The following ESR1 variants were observed in gnomAD, a reference collection of about 807,000 sequenced individuals.
ESR1 encodes estrogen receptor.
Under a neutral mutation model 52.7 loss-of-function variants are expected in ESR1, and 12 were observed. That is an observed-to-expected ratio of 0.23 (90% CI 0.15 to 0.37). The LOEUF is 0.37. Ranked by LOEUF, ESR1 falls within the 10% of genes least tolerant of loss-of-function variation. The pLI, the probability that ESR1 is intolerant of heterozygous loss-of-function variation, is 1.00. For synonymous variants in ESR1, 305 were observed against 316.8 expected (o/e 0.96, Z 0.39); for missense variants, 584 against 779.7 (o/e 0.75, Z 2.99).
intron 6 of ESR1, among the ~76,000 whole-genome samples, chr6:152,114,886 G>A (rs1383254457): frequency 3.9e-5 from 3 of 77,312 alleles, no homozygotes; most frequent in African/African-American, 5.8e-5. Flanking sequence ...GCTAGACTCC[G>A]TCTCAAAAAA....
chr6:151,819,655 T>G (rs1340620019), intron 1 of ESR1, among the ~76,000 whole-genome samples: 2 of 152,200 alleles, frequency 1.3e-5, no homozygotes, highest in African/African-American at 4.8e-5. Flanking sequence ...TTCAGGGCTC[T>G]CACTGAATCT....
At chr6:151,898,709 G>T (rs1795957672) in intron 3 of ESR1, among the ~76,000 whole-genome samples, 1 of 152,126 alleles carries the variant, frequency 6.6e-6, no homozygotes, top group Non-Finnish European at 1.5e-5. Context: ...AGAGCACAGG[G>T]TTGGGGGTAA....
intron 2 of ESR1, among the ~76,000 whole-genome samples, chr6:151,767,372 T>G (rs1785149140): frequency 6.6e-6 from 1 of 152,234 alleles, no homozygotes; most frequent in Admixed American, 6.5e-5. Flanking sequence ...TTCCCTAGGT[T>G]GTCCTCAAAA....
intron 2 of ESR1, among the ~76,000 whole-genome samples, chr6:151,867,355 C>T (rs1043135977): frequency 2.0e-5 from 3 of 151,484 alleles, no homozygotes; most frequent in African/African-American, 7.3e-5. Context: ...AAAATTTTTG[C>T]AATCTATCCA....
At chr6:151,767,538 T>G (rs1433442444) in intron 2 of ESR1, among the ~76,000 whole-genome samples, 4 of 152,186 alleles carry the variant, frequency 2.6e-5, no homozygotes, top group Admixed American at 2.6e-4. Context: ...TAATTAAAAT[T>G]CAAAGTTAAT....
intron 2 of ESR1, among the ~76,000 whole-genome samples, chr6:151,877,585 G>A (rs1792072975): frequency 6.6e-6 from 1 of 152,060 alleles, no homozygotes; most frequent in Non-Finnish European, 1.5e-5. Flanking sequence ...AAACATGTTA[G>A]TTCAGGAATT....
chr6:151,726,942 A>T (rs969391411), intron 2 of ESR1, among the ~76,000 whole-genome samples: 1 of 152,168 alleles, frequency 6.6e-6, no homozygotes, highest in Admixed American at 6.5e-5. Context: ...TCCTGATCGC[A>T]GGGCAGCATT....
Position 152,094,444 on chromosome 6 carries a change from C to T in ESR1, c.1429C>T (p.Arg477Ter), listed in dbSNP as rs762742833. Residue 477 changes from arginine to a stop codon, truncating the protein, a stop_gained, in exon 7 of 8, where the codon CGA (arginine) becomes TGA (stop). Coordinates refer to ENST00000206249, the MANE Select transcript of ESR1 (RefSeq NM_000125.4). LOFTEE classifies it high-confidence loss of function. The surrounding 1 kb of genome is among the most constrained non-coding windows in gnomAD (Gnocchi z 4.6). Reference sequence around the variant, plus strand: ...TCTGGAAGAGAAGGACCATATCCACCGAGTCCTGGACAAGATCACAGACAC... The same window carrying T: ...TCTGGAAGAGAAGGACCATATCCACTGAGTCCTGGACAAGATCACAGACAC... ...KSLEEKDHIH[R>*]VLDKITDTLI... is the part of the protein sequence containing the mutation. The T allele has an allele frequency of 1.9e-6, 3 of 1,614,104 alleles. No individual in the cohort carries two copies. Among genetic ancestry groups the T allele is most frequent in the East Asian group, 2.2e-5 (1 of 44,868 alleles).
chr6:152,028,074 G>T (rs1227023586), intron 5 of ESR1, among the ~76,000 whole-genome samples: 4 of 152,108 alleles, frequency 2.6e-5, no homozygotes, highest in Admixed American at 6.5e-5. Context: ...AATCCGGGAG[G>T]CAGAGCTTGC....
At chr6:151,827,878 T>G (rs944959960) in intron 1 of ESR1, among the ~76,000 whole-genome samples, 2 of 152,202 alleles carry the variant, frequency 1.3e-5, no homozygotes, top group African/African-American at 4.8e-5. Context: ...AAGATTAACA[T>G]CAAGCATCTG....
chr6:152,079,799 G>T (rs2049042356), intron 6 of ESR1, among the ~76,000 whole-genome samples: 1 of 152,194 alleles, frequency 6.6e-6, no homozygotes, highest in Non-Finnish European at 1.5e-5. Flanking sequence ...GAACTTAAAT[G>T]ACCTGATGGA....
chr6:151,775,744 TC>T (rs748776172), intron 2 of ESR1, among the ~76,000 whole-genome samples: 2 of 121,482 alleles, frequency 1.6e-5, no homozygotes, highest in Non-Finnish European at 1.7e-5. Context: ...AGACTCCGTC[TC>T]AAAAAAAAAA....
chr6:151,733,439 A>T (rs1270950438), intron 2 of ESR1, among the ~76,000 whole-genome samples: 4 of 152,206 alleles, frequency 2.6e-5, no homozygotes, highest in Admixed American at 1.3e-4. Context: ...CTGGGGCCAC[A>T]CATAGCAGAT....
At chr6:151,853,056 C>T (rs531946664) in intron 2 of ESR1, among the ~76,000 whole-genome samples, 13 of 150,550 alleles carry the variant, frequency 8.6e-5, no homozygotes, top group African/African-American at 2.2e-4. Flanking sequence ...CCTGTAGTCC[C>T]AGCTACTCAG....
At chr6:151,997,232 A>G (rs1381790660) in intron 4 of ESR1, among the ~76,000 whole-genome samples, 1 of 152,100 alleles carries the variant, frequency 6.6e-6, no homozygotes, top group African/African-American at 2.4e-5. Flanking sequence ...CTGGCTTCTG[A>G]ATTTTCTAAA....
chr6:151,947,409 A>T (rs1290280574), intron 4 of ESR1, among the ~76,000 whole-genome samples: 1 of 152,218 alleles, frequency 6.6e-6, no homozygotes, highest in East Asian at 1.9e-4. Context: ...TAGCTATATG[A>T]TACAAAAACC....
chr6:151,774,295 T>C (rs918709269), intron 2 of ESR1, among the ~76,000 whole-genome samples: 2 of 152,268 alleles, frequency 1.3e-5, no homozygotes, highest in Non-Finnish European at 2.9e-5. Flanking sequence ...AAGTATAGCA[T>C]ATCACAGAAA....
At chr6:151,668,655 C>T (rs915607143) in intron 1 of ESR1, among the ~76,000 whole-genome samples, 4 of 152,132 alleles carry the variant, frequency 2.6e-5, no homozygotes, top group Non-Finnish European at 5.9e-5. Flanking sequence ...CATGCCTAAT[C>T]ACCTCTTAAA....
intron 6 of ESR1, among the ~76,000 whole-genome samples, chr6:152,076,410 G>A (rs1275570398): frequency 6.6e-6 from 1 of 152,090 alleles, no homozygotes; most frequent in Non-Finnish European, 1.5e-5. Flanking sequence ...TTTCTTCCCA[G>A]TCTTGGGTAT....
Sources: gnomAD v4.1 joint callset for allele counts (sites outside exome capture counted in the v4.1 genomes callset) on GRCh38, gnomAD v4.1.1 for gene constraint, Gnocchi (gnomAD v3.1) non-coding constraint, MANE v1.5 for transcripts, NCBI Gene and HGNC (gene_info 2026-07-23, HGNC 2026-07-21) for gene names.